SYNJ2: variants seen among roughly 807,000 people sequenced by gnomAD.
SYNJ2 encodes the protein synaptojanin 2, also known as polyphosphatidylinositol phosphatase SYNJ2.
A neutral mutation model predicts 141.3 loss-of-function variants in SYNJ2; 116 were observed. The ratio of observed to expected loss-of-function variants is 0.82; its 90% CI spans 0.71 to 0.96. The LOEUF (loss-of-function observed/expected upper bound fraction) is 0.96. Ranked by LOEUF, SYNJ2 falls within the 40% of genes least tolerant of loss-of-function variation. The probability of loss-of-function intolerance (pLI) is 0.00; values close to 1 mark genes in which losing one functional copy is unlikely to be tolerated. For synonymous variants in SYNJ2, 745 were observed against 777.7 expected (o/e 0.96, Z 0.70); for missense variants, 1,873 against 1,934.8 (o/e 0.97, Z 0.60).
chr6:158,070,023 A>G lies in SYNJ2; in HGVS notation c.1940+350A>G. On this transcript the variant is annotated intron_variant, in intron 14 of 26. Transcript: ENST00000355585. The surrounding 1 kb of genome is among the most constrained non-coding windows in gnomAD (Gnocchi z 4.0). ...CCAAGAGCTGAGTAACTCACTGGGA[A>G]ATGCCAACTCTTTTGTCCCTTTTTA... is the stretch of plus-strand genomic sequence containing the variant. 3.4e-6 allele frequency: 2 copies of G among 583,270 alleles called. No individual in the cohort carries two copies. Among genetic ancestry groups the G allele is most frequent in the South Asian group, 1.5e-4 (2 of 13,158 alleles). The allele number at this position is 583,270 out of a possible 1,614,324, so 36.1% of individuals were successfully genotyped here.
chr6:158,053,151 AC>A, intron 5 of SYNJ2, among the ~76,000 whole-genome samples: 1 of 152,306 alleles, frequency 6.6e-6, no homozygotes, highest in Non-Finnish European at 1.5e-5. Context: ...CCAGAATGCT[AC>A]CTACATGATG....
intron 6 of SYNJ2, among the ~76,000 whole-genome samples, chr6:158,056,736 C>T (rs191715441): frequency 6.6e-6 from 1 of 152,314 alleles, no homozygotes; most frequent in East Asian, 1.9e-4. Flanking sequence ...TCTCAAGAGT[C>T]GTGCGGTTCT....
At chr6:158,064,462 C>A in intron 9 of SYNJ2, 139 bp from the exon 10 acceptor site, 1 of 1,059,196 alleles carries the variant, frequency 9.4e-7, no homozygotes, top group Non-Finnish European at 1.4e-6. Flanking sequence ...GCTGTGGGAA[C>A]TCCTCATCCT....
Position 158,069,628 on chromosome 6 carries a change from T to C in SYNJ2, c.1895T>C (p.Val632Ala). 1 of 1,613,998 alleles carries C rather than the reference T, an allele frequency of 6.2e-7. No individual in the cohort carries two copies. Among genetic ancestry groups the C allele is most frequent in the Non-Finnish European group, 8.5e-7 (1 of 1,179,908 alleles). The part of the protein sequence containing the change: ...ILLTSAQLVG[V>A]CLYIFVRPYH... Reference sequence around the variant, plus strand: ...TTGACTTCGGCACAGCTGGTGGGCGTCTGTCTTTATATCTTTGTACGTCCA... The same window carrying C: ...TTGACTTCGGCACAGCTGGTGGGCGCCTGTCTTTATATCTTTGTACGTCCA... The change falls in exon 14 of 27, where the codon GTC becomes GCC. Residue 632 changes from valine (V) to alanine (A), a missense_variant. Physicochemically the swap from Val to Ala is moderately conservative, Grantham distance 64 (BLOSUM62 0). Transcript: ENST00000355585.
rs1781708247 is a variant in SYNJ2 at position 158,068,559 on chromosome 6, C to T, written c.1718-88C>T. 4.8e-6 allele frequency: 7 copies of T among 1,457,796 alleles called. 1 individual carries two copies. Among genetic ancestry groups the T allele is most frequent in the South Asian group, 2.4e-5 (2 of 83,382 alleles). 90.3% of individuals were successfully genotyped at this position (1,457,796 alleles called of 1,614,324 possible). Reference sequence around the variant, plus strand: ...TGGACTCAGGCAGTGGACAGCATGACTCGGGAGAGGGCACTGGGGAGCCCC... The same window carrying T: ...TGGACTCAGGCAGTGGACAGCATGATTCGGGAGAGGGCACTGGGGAGCCCC... On this transcript the variant is annotated intron_variant, in intron 12 of 26. Transcript: ENST00000355585.
At chr6:158,047,743 C>T (rs1231749133) in intron 5 of SYNJ2, among the ~76,000 whole-genome samples, 1 of 120,608 alleles carries the variant, frequency 8.3e-6, no homozygotes, top group East Asian at 2.8e-4. Flanking sequence ...TGCCACCACA[C>T]TCTAGCCTGG....
At chr6:158,086,344 G>A (rs868279221) in intron 22 of SYNJ2, among the ~76,000 whole-genome samples, 1 of 152,140 alleles carries the variant, frequency 6.6e-6, no homozygotes, top group Non-Finnish European at 1.5e-5. Context: ...CAGACCCTTG[G>A]GAGTGGCCAG....
chr6:158,010,994 G>A (rs890590220), intron 1 of SYNJ2, among the ~76,000 whole-genome samples: 1 of 151,012 alleles, frequency 6.6e-6, no homozygotes, highest in Admixed American at 6.6e-5. Context: ...ATGATGGGAG[G>A]ACATGTGGGG....
At chr6:158,065,172 G>A (rs2128367266) in intron 11 of SYNJ2, among the ~76,000 whole-genome samples, 181 bp downstream of exon 11, 1 of 152,312 alleles carries the variant, frequency 6.6e-6, no homozygotes, top group Middle Eastern at 3.4e-3. Context: ...TGCTGGGCCT[G>A]GGAGCTCACG....
At chr6:158,050,814 G>A (rs560344665) in intron 5 of SYNJ2, among the ~76,000 whole-genome samples, 3 of 152,272 alleles carry the variant, frequency 2.0e-5, no homozygotes, top group South Asian at 4.1e-4. Context: ...CGCTTGTGCA[G>A]GTTTGTTAGA....
In SYNJ2 at chr6:157,992,401, CTTT is replaced by C. The variant is rs57905567; in HGVS notation, c.127+10333_127+10335del. ...TTGTCTTTCTGTGCCTGGCTTGTTT[CTTT>C]TTTTTTTTTTTTTTTTTTTCCTTTT... On this transcript the variant is annotated intron_variant, in intron 1 of 26. Transcript: ENST00000355585. 7.5e-3 allele frequency among the ~76,000 whole-genome samples: 908 copies of C among 120,370 alleles called. 9 individuals carry two copies. Among genetic ancestry groups the C allele is most frequent in the African/African-American group, 0.021 (763 of 36,968 alleles). The allele number at this position is 120,370 out of a possible 152,430, so 79.0% of individuals were successfully genotyped here.
In SYNJ2 at chr6:158,084,057, G is replaced by T; in HGVS notation, c.3091G>T (p.Val1031Phe). The change falls in exon 22 of 27, where the codon GTC becomes TTC. Residue 1031 changes from valine (V) to phenylalanine (F), a missense_variant. Coordinates refer to ENST00000355585, the MANE Select transcript of SYNJ2 (RefSeq NM_003898.4). This position sits in a 1 kb window ranked among gnomAD's most constrained non-coding sequence, Gnocchi z 5.0. ...GGTGGATGAATTCAATCAGCCTGGAGTCTCGGACAGTGAACTCGGGGGAGA... is the reference window on the plus strand; with the variant it reads ...GGTGGATGAATTCAATCAGCCTGGATTCTCGGACAGTGAACTCGGGGGAGA... The part of the protein sequence containing the change: ...YLVDEFNQPG[V>F]SDSELGGDDL... The T allele has an allele frequency of 6.2e-7, 1 of 1,614,144 alleles. No homozygotes were observed. Among genetic ancestry groups the T allele is most frequent in the Non-Finnish European group, 8.5e-7 (1 of 1,180,016 alleles).
chr6:158,034,361 T>C (rs911560555), intron 4 of SYNJ2, among the ~76,000 whole-genome samples: 9 of 152,226 alleles, frequency 5.9e-5, no homozygotes, highest in African/African-American at 2.2e-4. Flanking sequence ...AAGGCACATG[T>C]ATGGTACTCC....
intron 4 of SYNJ2, among the ~76,000 whole-genome samples, chr6:158,037,197 G>A (rs1047903437): frequency 5.3e-5 from 8 of 152,148 alleles, no homozygotes; most frequent in East Asian, 1.9e-4. Flanking sequence ...TCCAGGTGTC[G>A]GCAGGACTGC....
intron 18 of SYNJ2, among the ~76,000 whole-genome samples, chr6:158,080,795 T>G (rs1280849583): frequency 6.6e-6 from 1 of 152,244 alleles, no homozygotes; most frequent in African/African-American, 2.4e-5. Flanking sequence ...AGTACTGGGA[T>G]ACATCTTTAA....
rs1783813301 is a variant in SYNJ2 at position 158,096,582 on chromosome 6, G to C, written c.*218G>C. ...CTCAAGGCTTGTACATCTGAAGTTT[G>C]CTCTTCAAGGAATGGGAACCTTCCT... On this transcript the variant is annotated 3_prime_UTR_variant, in exon 27 of 27. Coordinates refer to ENST00000355585, the MANE Select transcript of SYNJ2 (RefSeq NM_003898.4). 2 of 462,052 alleles carry C rather than the reference G, an allele frequency of 4.3e-6. No individual in the cohort carries two copies. Among genetic ancestry groups the C allele is most frequent in the East Asian group, 7.8e-5 (2 of 25,652 alleles). 28.6% of individuals were successfully genotyped at this position (462,052 alleles called of 1,614,324 possible).
At chr6:158,020,600 T>C (rs1429506537) in intron 2 of SYNJ2, among the ~76,000 whole-genome samples, 1 of 152,242 alleles carries the variant, frequency 6.6e-6, no homozygotes, top group African/African-American at 2.4e-5. Flanking sequence ...ACCCCACCTG[T>C]GTGACTCCAG....
At chr6:158,042,636 C>G (rs1181074361) in intron 4 of SYNJ2, among the ~76,000 whole-genome samples, 1 of 152,244 alleles carries the variant, frequency 6.6e-6, no homozygotes, top group East Asian at 1.9e-4. Context: ...TCTGAAATAG[C>G]TGTACGTGTG....
At chr6:158,029,091 G>C (rs1779221352) in intron 3 of SYNJ2, 65 bp downstream of exon 3, 11 of 627,158 alleles carry the variant, frequency 1.8e-5, no homozygotes, top group South Asian at 1.0e-4. Context: ...GGCCCTGGTT[G>C]GCATCTGAGG....
Sources: allele counts gnomAD v4.1 joint callset (sites outside exome capture counted in the v4.1 genomes callset), GRCh38; gene constraint gnomAD v4.1.1; non-coding constraint Gnocchi (gnomAD v3.1); transcripts MANE v1.5; gene names NCBI Gene and HGNC (gene_info 2026-07-23, HGNC 2026-07-21).